C20orf96: variants seen among roughly 807,000 people sequenced by gnomAD.
C20orf96 encodes uncharacterized protein C20orf96.
A neutral mutation model predicts 52.6 loss-of-function variants in C20orf96; 57 were observed. That is an observed-to-expected ratio of 1.08 (90% CI 0.88 to 1.35). The LOEUF is 1.35. Ranked by LOEUF, C20orf96 falls within the 40% of genes most tolerant of loss-of-function variation. C20orf96 has a pLI of 0.00. For synonymous variants in C20orf96, 168 were observed against 157.2 expected (o/e 1.07, Z -0.51); for missense variants, 478 against 443.6 (o/e 1.08, Z -0.70).
rs147176468 is a variant in C20orf96 at position 283,531 on chromosome 20, T to C, written c.306+432A>G. On this transcript the variant is annotated intron_variant, in intron 4 of 10. Coordinates refer to ENST00000360321, the MANE Select transcript of C20orf96 (RefSeq NM_153269.3). Reference sequence around the variant, plus strand: ...GTTGGCCAGGCTGGTCTCGAACTCCTGACGTCAAATGATCCACCCACCTAG... The same window carrying C: ...GTTGGCCAGGCTGGTCTCGAACTCCCGACGTCAAATGATCCACCCACCTAG... Among the ~76,000 whole-genome samples the C allele has an allele frequency of 7.1e-3, 1,079 of 152,280 alleles. 12 individuals carry two copies. The highest frequency in any genetic ancestry group is 0.025 in the African/African-American group (1,025 of 41,542).
chr20:277,959 A>G (rs536145331), intron 6 of C20orf96, among the ~76,000 whole-genome samples: 1 of 152,314 alleles, frequency 6.6e-6, no homozygotes, highest in South Asian at 2.1e-4. Flanking sequence ...CCTTGGCAGG[A>G]AACAGAGCCA....
intron 3 of C20orf96, 32 bp downstream of exon 3, chr20:289,527 C>A (rs1302843242): frequency 2.0e-6 from 3 of 1,465,362 alleles, no homozygotes; most frequent in East Asian, 2.3e-5. Flanking sequence ...TGTCTCCAAC[C>A]CCCACACCAG....
chr20:272,879 T>G (rs1393950213), intron 10 of C20orf96, among the ~76,000 whole-genome samples: 3 of 152,232 alleles, frequency 2.0e-5, no homozygotes, highest in Non-Finnish European at 4.4e-5. Flanking sequence ...TGCCACACTC[T>G]TGGCCAGGCC....
At position 271,138 on chromosome 20, in the gene C20orf96, A is replaced by G. The variant is rs926323286; in HGVS notation, c.*69T>C. 6.9e-5 allele frequency: 91 copies of G among 1,317,842 alleles called. No individual in the cohort carries two copies. The highest frequency in any genetic ancestry group is 1.9e-4 in the South Asian group (15 of 79,316). 81.6% of individuals were successfully genotyped at this position (1,317,842 alleles called of 1,614,324 possible). A position where few individuals can be genotyped will look rare whatever the true frequency, so the allele number is the denominator to read the frequency against. On this transcript the variant is annotated 3_prime_UTR_variant, in exon 11 of 11. Transcript: ENST00000360321. ...GTCTGAATGGAGATCCGGTCCTGGA[A>G]GTAAATGATCCAAGGCTCCAGGTGC... is the stretch of plus-strand genomic sequence containing the variant.
rs117085795 is a variant in C20orf96, at chr20:281,157, A to G, written c.307-1827T>C. Among the ~76,000 whole-genome samples the G allele has an allele frequency of 1.1e-3, 161 of 152,232 alleles. 1 individual carries two copies. The East Asian group carries it at 0.023, about 21-fold the overall frequency. On this transcript the variant is annotated intron_variant, in intron 4 of 10. Transcript: ENST00000360321. ...GGTAACACAGCAAGAACTTGTCTCT[A>G]AAAGTAAATAAATAAATAAATAAAT...
intron 10 of C20orf96, among the ~76,000 whole-genome samples, chr20:271,696 G>C (rs890611999): frequency 6.6e-6 from 1 of 152,068 alleles, no homozygotes; most frequent in Non-Finnish European, 1.5e-5. Context: ...TCCTTCAGTT[G>C]GCACTTAAGT....
intron 10 of C20orf96, among the ~76,000 whole-genome samples, chr20:273,010 T>A (rs1786836748): frequency 6.6e-6 from 1 of 152,216 alleles, no homozygotes; most frequent in African/African-American, 2.4e-5. Flanking sequence ...AGTCTTGCTC[T>A]ATTAAGCAGG....
chr20:277,373 C>A lies in C20orf96; in HGVS notation c.576G>T (p.Gln192His). The A allele has an allele frequency of 6.2e-7, 1 of 1,613,892 alleles. No individual in the cohort carries two copies. Among genetic ancestry groups the A allele is most frequent in the Non-Finnish European group, 8.5e-7 (1 of 1,180,008 alleles). ...KKKCKMSYLE[Q>H]QAEQLNAKIE... is the part of the protein sequence containing the mutation. ...TCTTGGCATTCAGCTGCTCTGCCTG[C>A]TGCTCAAGATCTGGGGAGGGGTTAG... Residue 192 changes from glutamine to histidine, a missense_variant, in exon 7 of 11, where the codon CAG becomes CAT. By Grantham distance (24) the Gln-to-His change is conservative. Coordinates refer to ENST00000360321, the MANE Select transcript of C20orf96 (RefSeq NM_153269.3).
intron 4 of C20orf96, among the ~76,000 whole-genome samples, chr20:281,775 T>TA (rs1480969717): frequency 6.6e-6 from 1 of 152,152 alleles, no homozygotes; most frequent in Non-Finnish European, 1.5e-5. Context: ...GCCCAGGAGT[T>TA]AGAGCCCTGG....
intron 10 of C20orf96, among the ~76,000 whole-genome samples, chr20:273,631 T>A (rs1186399921): frequency 6.6e-6 from 1 of 151,978 alleles, no homozygotes; most frequent in Non-Finnish European, 1.5e-5. Flanking sequence ...ATCCCAGCAC[T>A]TTGGGAGGCC....
chr20:288,258 A>G (rs796304912), intron 3 of C20orf96, among the ~76,000 whole-genome samples: 27 of 140,210 alleles, frequency 1.9e-4, no homozygotes, highest in Admixed American at 1.2e-3. Flanking sequence ...CCTCCACTGA[A>G]TTGTTTTTCC....
intron 5 of C20orf96, 111 bp from the exon 6 acceptor site, chr20:278,540 G>C: frequency 1.3e-6 from 1 of 777,874 alleles, no homozygotes; most frequent in Non-Finnish European, 2.3e-6. Context: ...CCAGAAACCT[G>C]ACCAGAGGCT....
At chr20:284,226 G>A (rs4814979) in intron 3 of C20orf96, 145 bp from the exon 4 acceptor site, 7,457 of 630,672 alleles carry the variant, frequency 0.012, 80 homozygotes, top group Non-Finnish European at 0.016. Flanking sequence ...CTAGACCGAG[G>A]GTGAAATTCA....
At position 289,518 on chromosome 20, in the gene C20orf96, G is replaced by C; in HGVS notation, c.187+41C>G. 3 of 1,375,652 alleles carry C rather than the reference G, an allele frequency of 2.2e-6. 1 individual carries two copies. 85.2% of individuals were successfully genotyped at this position (1,375,652 alleles called of 1,614,324 possible). ...GAGCCAAAAGCAGCCACTCTATCCT[G>C]TCTCCAACCCCCACACCAGCTCCCA... On this transcript the variant is annotated intron_variant, in intron 3 of 10. Coordinates refer to ENST00000360321, the MANE Select transcript of C20orf96 (RefSeq NM_153269.3).
At chr20:284,505 G>A (rs981380967) in intron 3 of C20orf96, among the ~76,000 whole-genome samples, 6 of 152,236 alleles carry the variant, frequency 3.9e-5, no homozygotes, top group Admixed American at 1.3e-4. Context: ...CTGGCAGAAG[G>A]CCTGATGGGG....
At chr20:282,833 C>T (rs2012286324) in intron 4 of C20orf96, among the ~76,000 whole-genome samples, 1 of 152,104 alleles carries the variant, frequency 6.6e-6, no homozygotes, top group East Asian at 1.9e-4. Flanking sequence ...GATCTTGCCA[C>T]TGCACTCCAG....
intron 4 of C20orf96, among the ~76,000 whole-genome samples, chr20:279,827 G>A (rs113538275): frequency 3.6e-4 from 55 of 152,174 alleles, no homozygotes; most frequent in Non-Finnish European, 6.8e-4. Flanking sequence ...AAAATTAGCC[G>A]AGCGTGGTGG....
At chr20:288,762 GA>G (rs143032473) in intron 3 of C20orf96, among the ~76,000 whole-genome samples, 3,806 of 152,290 alleles carry the variant, frequency 0.025, 161 homozygotes, top group African/African-American at 0.086. Context: ...TGGTATGAGT[GA>G]TTTTATACAT....
Position 279,161 on chromosome 20 carries a change from G to T in C20orf96, c.465+11C>A. 1 of 1,578,500 alleles carries T rather than the reference G, an allele frequency of 6.3e-7. No homozygotes were observed. The highest frequency in any genetic ancestry group is 8.6e-7 in the Non-Finnish European group (1 of 1,168,878). On this transcript the variant is annotated intron_variant, in intron 5 of 10. Transcript: ENST00000360321. ...GAGGGACGGAGGGCGGGCGGATGCC[G>T]CGGGTCTCACCGCCAGGGTGTCCTG...
Sources: gnomAD v4.1 joint callset for allele counts (sites outside exome capture counted in the v4.1 genomes callset) on GRCh38, gnomAD v4.1.1 for gene constraint, MANE v1.5 for transcripts, NCBI Gene and HGNC (gene_info 2026-07-23, HGNC 2026-07-21) for gene names.